The following PITPNM3 variants were observed in gnomAD, a reference collection of about 807,000 sequenced individuals.
The protein encoded by PITPNM3 is PITPNM family member 3.
Under a neutral mutation model 102.0 loss-of-function variants are expected in PITPNM3, and 26 were observed. That is an observed-to-expected ratio of 0.25 (90% CI 0.19 to 0.35). The LOEUF (loss-of-function observed/expected upper bound fraction) is 0.35. PITPNM3 is among the 10% of genes least tolerant of loss of function. PITPNM3 has a pLI of 1.00. For synonymous variants in PITPNM3, 578 were observed against 558.6 expected, an observed-to-expected ratio of 1.03 and a Z score of -0.49; for missense variants, 1,083 against 1,346.1, an observed-to-expected ratio of 0.80 and a Z score of 3.06.
rs776334168 is a variant in PITPNM3, at chr17:6,472,777, C to T, written c.1309G>A (p.Ala437Thr). ...TCGAGCCGTGAGGCAGAGGGGTCTG[C>T]GCAATGGAAGAAGCTGTAGACCTGG... ...CSQVYSFFHC[A>T]DPSASRLEPL... Residue 437 changes from alanine to threonine, a missense_variant, in exon 11 of 20, where the codon GCA (alanine) becomes ACA (threonine). Transcript: ENST00000262483. The surrounding 1 kb of genome is among the most constrained non-coding windows in gnomAD (Gnocchi z 4.1). The T allele has an allele frequency of 7.4e-6, 12 of 1,614,100 alleles. No individual in the cohort carries two copies. Among genetic ancestry groups the T allele is most frequent in the South Asian group, 5.5e-5 (5 of 91,074 alleles).
chr17:6,468,362 GC>G lies in PITPNM3; in HGVS notation c.1774-22del. ...ATTACCTAGCCAAGAGCCGAGCAGG[GC>G]CCCGGTCAGGTCTTCTGGCTTCTCT... On this transcript the variant is annotated intron_variant, in intron 13 of 19. Coordinates refer to ENST00000262483, the MANE Select transcript of PITPNM3 (RefSeq NM_031220.4). The surrounding 1 kb of genome is among the most constrained non-coding windows in gnomAD (Gnocchi z 5.2). 6.2e-7 allele frequency: 1 copy of G among 1,611,166 alleles called. No individual in the cohort carries two copies. The highest frequency in any genetic ancestry group is 8.5e-7 in the Non-Finnish European group (1 of 1,177,514).
intron 4 of PITPNM3, among the ~76,000 whole-genome samples, chr17:6,492,514 A>G (rs1371251286): frequency 6.6e-6 from 1 of 152,228 alleles, no homozygotes. Context: ...GGAAGGAAAG[A>G]ATAAATGTGG....
intron 3 of PITPNM3, among the ~76,000 whole-genome samples, chr17:6,504,718 T>C (rs1275826293): frequency 6.6e-6 from 1 of 152,216 alleles, no homozygotes; most frequent in Non-Finnish European, 1.5e-5. Context: ...TGACACTGCA[T>C]TATAATTGGA....
intron 17 of PITPNM3, 44 bp from the exon 18 acceptor site, chr17:6,461,600 G>T: frequency 1.9e-6 from 3 of 1,597,886 alleles, no homozygotes; most frequent in Middle Eastern, 1.7e-4. Flanking sequence ...CCCAGTGCAG[G>T]CCACCTGATG....
At position 6,517,937 on chromosome 17, in the gene PITPNM3, GA is replaced by G. The variant is rs1168934507; in HGVS notation, c.226+7418del. Among the ~76,000 whole-genome samples, 5 of 152,136 alleles carry G rather than the reference GA, an allele frequency of 3.3e-5. No homozygotes were observed. Among genetic ancestry groups the G allele is most frequent in the Non-Finnish European group, 7.3e-5 (5 of 68,034 alleles). ...AAAAAAGGAGGTATATAAGAAATTTGATGGTGTCAATAAAAAACAAGAAAAG... is the reference window on the plus strand; with the variant it reads ...AAAAAAGGAGGTATATAAGAAATTTGTGGTGTCAATAAAAAACAAGAAAAG... On this transcript the variant is annotated intron_variant, in intron 3 of 19. Coordinates refer to ENST00000262483, the MANE Select transcript of PITPNM3 (RefSeq NM_031220.4). This position sits in a 1 kb window ranked among gnomAD's most constrained non-coding sequence, Gnocchi z 4.1.
intron 3 of PITPNM3, among the ~76,000 whole-genome samples, chr17:6,525,072 A>T (rs1908748506): frequency 6.6e-6 from 1 of 152,032 alleles, no homozygotes; most frequent in African/African-American, 2.4e-5. Flanking sequence ...AGGAGCTTGG[A>T]CCCAGGCACC....
In PITPNM3 at chr17:6,533,709, C is replaced by A. The variant is rs188900647; in HGVS notation, c.118+4278G>T. Among the ~76,000 whole-genome samples, 4 of 152,274 alleles carry A rather than the reference C, an allele frequency of 2.6e-5. No individual in the cohort carries two copies. In the East Asian group the frequency reaches 7.7e-4, roughly 29 times the overall value. ...TGAACTCGTGATCCGCCTGCCTCTG[C>A]CTCCCAAAGTGCTGAGATTACAGCC... On this transcript the variant is annotated intron_variant, in intron 2 of 19. Coordinates refer to ENST00000262483, the MANE Select transcript of PITPNM3 (RefSeq NM_031220.4).
rs757552567 is a variant in PITPNM3 at position 6,464,218 on chromosome 17, C to T, written c.2108G>A (p.Arg703Gln). 75 of 1,614,086 alleles carry T rather than the reference C, an allele frequency of 4.6e-5. No homozygotes were observed. The highest frequency in any genetic ancestry group is 5.9e-5 in the Non-Finnish European group (70 of 1,180,044). ...SSGRITYNVP[R>Q]PRRLGVGVYP... ...GACACCAACCCCCAGGCGCCGGGGC[C>T]GCGGCACATTGTATGTGATGCGACC... The change falls in exon 16 of 20, where the codon CGG becomes CAG. Residue 703 changes from arginine to glutamine, a missense_variant. This residue lies in a region of PITPNM3 where 410 missense variants were observed against 638.4 expected (regional missense o/e 0.64). Coordinates refer to ENST00000262483, the MANE Select transcript of PITPNM3 (RefSeq NM_031220.4).
At chr17:6,492,112 G>A (rs1415650076) in intron 4 of PITPNM3, among the ~76,000 whole-genome samples, 1 of 147,344 alleles carries the variant, frequency 6.8e-6, no homozygotes, top group Admixed American at 6.8e-5. Context: ...TCACCAGGCT[G>A]GAGTGCAGTG....
rs1205363121 is a variant in PITPNM3 at position 6,478,439 on chromosome 17, C to A, written c.777+108G>T. The A allele has an allele frequency of 2.9e-6, 4 of 1,399,514 alleles. No homozygotes were observed. The East Asian group carries it at 9.5e-5, about 33-fold the overall frequency. The allele number at this position is 1,399,514 out of a possible 1,614,324, so 86.7% of individuals were successfully genotyped here. ...CAAAAGCCACCTTTGGGCTCAGAGG[C>A]TGATTCGAGAACAGCCTGGCCTTGG... On this transcript the variant is annotated intron_variant, in intron 7 of 19. Coordinates refer to ENST00000262483, the MANE Select transcript of PITPNM3 (RefSeq NM_031220.4). This position sits in a 1 kb window ranked among gnomAD's most constrained non-coding sequence, Gnocchi z 4.4.
intron 4 of PITPNM3, among the ~76,000 whole-genome samples, chr17:6,493,403 G>A (rs1906613074): frequency 6.6e-6 from 1 of 152,238 alleles, no homozygotes; most frequent in Non-Finnish European, 1.5e-5. Flanking sequence ...TGGGTCAAGG[G>A]AGCAGAGGGC....
intron 1 of PITPNM3, among the ~76,000 whole-genome samples, chr17:6,553,032 A>C (rs1055270669): frequency 1.3e-5 from 2 of 149,896 alleles, no homozygotes; most frequent in Non-Finnish European, 3.0e-5. Flanking sequence ...GGCGTCCCAA[A>C]GTGCTGGGAT....
At chr17:6,464,868 G>A in intron 14 of PITPNM3, 97 bp from the exon 15 acceptor site, 1 of 1,138,038 alleles carries the variant, frequency 8.8e-7, no homozygotes, top group South Asian at 1.2e-5. Flanking sequence ...AGGCATATCA[G>A]CTTGCTGAAT....
At chr17:6,521,002 G>T (rs1597399540) in intron 3 of PITPNM3, 1 of 152,576 alleles carries the variant, frequency 6.6e-6, no homozygotes, top group East Asian at 1.9e-4. Context: ...TGGGGAGTTG[G>T]TGTTTGACGG....
chr17:6,508,795 G>A (rs1203667678), intron 3 of PITPNM3, among the ~76,000 whole-genome samples: 1 of 152,162 alleles, frequency 6.6e-6, no homozygotes, highest in East Asian at 1.9e-4. Flanking sequence ...GGTAAGTGTG[G>A]CGCCCGGACA....
chr17:6,491,475 A>C (rs1906479624), intron 4 of PITPNM3, among the ~76,000 whole-genome samples: 1 of 152,178 alleles, frequency 6.6e-6, no homozygotes. Flanking sequence ...AGCCAATGAA[A>C]GTTCCCTTAG....
intron 10 of PITPNM3, chr17:6,473,251 T>C: frequency 3.4e-6 from 1 of 292,284 alleles, no homozygotes; most frequent in Non-Finnish European, 6.7e-6. Flanking sequence ...CTCAAGGCTA[T>C]AAACACTCAG....
At chr17:6,513,727 T>C (rs61018499) in intron 3 of PITPNM3, among the ~76,000 whole-genome samples, 9,296 of 152,276 alleles carry the variant, frequency 0.061, 626 homozygotes, top group East Asian at 0.16. Context: ...CAAATTGATC[T>C]ACAGAGTCAA....
intron 1 of PITPNM3, 54 bp from the exon 2 acceptor site, chr17:6,538,136 G>A: frequency 1.4e-6 from 2 of 1,406,804 alleles, no homozygotes; most frequent in South Asian, 1.2e-5. Flanking sequence ...CCCAGTATGA[G>A]GGAGGTGACC....
Sources: gnomAD v4.1 joint callset for allele counts (sites outside exome capture counted in the v4.1 genomes callset) on GRCh38, gnomAD v4.1.1 for gene constraint, gnomAD v4.1.1 regional missense constraint, Gnocchi (gnomAD v3.1) non-coding constraint, MANE v1.5 for transcripts, NCBI Gene and HGNC (gene_info 2026-07-23, HGNC 2026-07-21) for gene names.